CTNNA2: variants seen among roughly 807,000 people sequenced by gnomAD.
The protein encoded by CTNNA2 is catenin alpha 2, also known as catenin alpha-2.
A neutral mutation model predicts 101.0 loss-of-function variants in CTNNA2; 42 were observed. The observed-to-expected ratio is 0.42, with a 90% CI of 0.32 to 0.54. CTNNA2 has a LOEUF of 0.54. CTNNA2 is among the 20% of genes least tolerant of loss of function. The pLI, the probability that CTNNA2 is intolerant of heterozygous loss-of-function variation, is 0.14. For synonymous variants in CTNNA2, 450 were observed against 456.4 expected, an observed-to-expected ratio of 0.99 and a Z score of 0.18; for missense variants, 871 against 1,223.1, an observed-to-expected ratio of 0.71 and a Z score of 4.29.
chr2:80,536,944 G>A (rs1214944150), intron 9 of CTNNA2, among the ~76,000 whole-genome samples: 2 of 152,154 alleles, frequency 1.3e-5, no homozygotes, highest in African/African-American at 4.8e-5. Flanking sequence ...TCTGGGATAC[G>A]TGTGCAGAAT....
intron 7 of CTNNA2, among the ~76,000 whole-genome samples, chr2:79,975,958 A>C (rs1431054374): frequency 1.3e-5 from 2 of 152,158 alleles, no homozygotes; most frequent in African/African-American, 4.8e-5. Context: ...ATCCCCTACC[A>C]GGAAGTTGGG....
chr2:80,495,305 G>A (rs1043813667), intron 9 of CTNNA2, among the ~76,000 whole-genome samples: 2 of 152,128 alleles, frequency 1.3e-5, no homozygotes, highest in East Asian at 3.9e-4. Context: ...GTTTCTCACT[G>A]TGCCTTGAGA....
intron 2 of CTNNA2, among the ~76,000 whole-genome samples, chr2:79,715,522 T>C (rs915863507): frequency 2.7e-4 from 41 of 152,240 alleles, no homozygotes; most frequent in African/African-American, 9.6e-4. Context: ...ACTCCAACTA[T>C]GATGAAATCA....
intron 1 of CTNNA2, among the ~76,000 whole-genome samples, chr2:79,600,158 G>A (rs1677457675): frequency 6.6e-6 from 1 of 151,778 alleles, no homozygotes; most frequent in South Asian, 2.1e-4. Flanking sequence ...GAGAGATAGT[G>A]AGCTCCTTGC....
rs968404439 is a variant in CTNNA2 at position 80,204,157 on chromosome 2, C to T, written c.1057-189054C>T. Among the ~76,000 whole-genome samples, 7 of 152,306 alleles carry T rather than the reference C, an allele frequency of 4.6e-5. No homozygotes were observed. In the East Asian group the frequency reaches 9.7e-4, roughly 21 times the overall value. On this transcript the variant is annotated intron_variant, in intron 7 of 18. Transcript: ENST00000402739. ...CTGGGCCTGTGATGGGAGGGGCTGC[C>T]GCAAAGTTCTCTAACATGCCCTGGA...
At chr2:80,053,997 A>G (rs887995469) in intron 7 of CTNNA2, among the ~76,000 whole-genome samples, 14 of 152,242 alleles carry the variant, frequency 9.2e-5, no homozygotes, top group Non-Finnish European at 1.6e-4. Context: ...GTAGCACAAC[A>G]GGGATAAGTT....
chr2:80,392,774 A>C (rs182891308), intron 7 of CTNNA2, among the ~76,000 whole-genome samples: 1,643 of 152,338 alleles, frequency 0.011, 17 homozygotes, highest in Non-Finnish European at 0.016. Context: ...ATTGGTATAA[A>C]ATTCCGAATT....
intron 7 of CTNNA2, among the ~76,000 whole-genome samples, chr2:80,200,125 C>A (rs75012447): frequency 6.6e-6 from 1 of 152,148 alleles, no homozygotes; most frequent in Non-Finnish European, 1.5e-5. Context: ...AAAATTGAAT[C>A]GGCACCACTT....
At chr2:80,181,045 T>A (rs1371831840) in intron 7 of CTNNA2, among the ~76,000 whole-genome samples, 1 of 152,194 alleles carries the variant, frequency 6.6e-6, no homozygotes, top group Non-Finnish European at 1.5e-5. Context: ...GTTTTCTGCT[T>A]ACATAAATTA....
intron 3 of CTNNA2, among the ~76,000 whole-genome samples, chr2:79,362,969 G>A (rs957532205): frequency 6.6e-6 from 1 of 152,168 alleles, no homozygotes; most frequent in South Asian, 2.1e-4. Flanking sequence ...AAACAGAGTA[G>A]AATTTGTTAA....
chr2:79,536,656 C>T (rs1174927486), intron 1 of CTNNA2, among the ~76,000 whole-genome samples: 1 of 149,734 alleles, frequency 6.7e-6, no homozygotes, highest in Non-Finnish European at 1.5e-5. Flanking sequence ...ATCCCCTACT[C>T]TACTGTCGTC....
intron 9 of CTNNA2, among the ~76,000 whole-genome samples, chr2:80,479,160 T>A (rs1189958467): frequency 2.0e-5 from 3 of 152,142 alleles, no homozygotes; most frequent in Non-Finnish European, 4.4e-5. Flanking sequence ...TATTAACAGT[T>A]TTTTTCCTCT....
chr2:80,238,601 A>G (rs76105535), intron 7 of CTNNA2, among the ~76,000 whole-genome samples: 1 of 152,186 alleles, frequency 6.6e-6, no homozygotes, highest in East Asian at 1.9e-4. Context: ...AAATAAGAAC[A>G]TGAAACAGTT....
chr2:79,199,793 C>T (rs1226003546), intron 2 of CTNNA2, among the ~76,000 whole-genome samples: 1 of 152,104 alleles, frequency 6.6e-6, no homozygotes, highest in Admixed American at 6.5e-5. Context: ...ACTTAGACTC[C>T]TAAATTCAAG....
chr2:80,020,993 C>CT (rs869061321), intron 7 of CTNNA2, among the ~76,000 whole-genome samples: 3,927 of 89,318 alleles, frequency 0.044, 425 homozygotes, highest in African/African-American at 0.09. Flanking sequence ...GACCAATCAT[C>CT]TTTTTTTTTT....
At chr2:79,287,498 A>G (rs569856784) in intron 2 of CTNNA2, among the ~76,000 whole-genome samples, 109 of 151,470 alleles carry the variant, frequency 7.2e-4, no homozygotes, top group African/African-American at 2.4e-3. Context: ...CTGCAGGTCT[A>G]TTGGAGTACC....
intron 7 of CTNNA2, among the ~76,000 whole-genome samples, chr2:79,968,092 T>G (rs1690205615): frequency 6.6e-6 from 1 of 152,176 alleles, no homozygotes; most frequent in Admixed American, 6.5e-5. Context: ...AGTTTCCTTT[T>G]GGAGTGATGG....
At chr2:80,016,032 T>A in intron 7 of CTNNA2, among the ~76,000 whole-genome samples, 1 of 152,188 alleles carries the variant, frequency 6.6e-6, no homozygotes. Context: ...CTTGGAAGTC[T>A]CTGGAATTGC....
intron 7 of CTNNA2, among the ~76,000 whole-genome samples, chr2:79,939,563 T>G (rs1688007608): frequency 6.6e-6 from 1 of 152,222 alleles, no homozygotes; most frequent in African/African-American, 2.4e-5. Context: ...TTGGGAATTT[T>G]ATTTTTATTT....
Sources: allele counts gnomAD v4.1 joint callset (sites outside exome capture counted in the v4.1 genomes callset), GRCh38; gene constraint gnomAD v4.1.1; transcripts MANE v1.5; gene names NCBI Gene and HGNC (gene_info 2026-07-23, HGNC 2026-07-21).